Variants in ROBO2 observed in about 807,000 individuals in gnomAD.
ROBO2 encodes roundabout homolog 2.
A neutral mutation model predicts 160.8 loss-of-function variants in ROBO2; 53 were observed. The ratio of observed to expected loss-of-function variants is 0.33; its 90% CI spans 0.26 to 0.41. The LOEUF is 0.41. Ranked by LOEUF, ROBO2 falls within the 10% of genes least tolerant of loss-of-function variation. ROBO2 has a pLI of 1.00. For missense variants in ROBO2, 1,577 were observed against 1,722.4 expected, an observed-to-expected ratio of 0.92 and a Z score of 1.49; for synonymous variants, 664 against 611.7, an observed-to-expected ratio of 1.09 and a Z score of -1.26.
At chr3:76,119,989 ATTCTTTCTTTCTGTC>A (rs2070679366) in intron 2 of ROBO2, among the ~76,000 whole-genome samples, 1 of 88,238 alleles carries the variant, frequency 1.1e-5, no homozygotes, top group African/African-American at 4.4e-5. Flanking sequence ...TCTTTCTTTC[ATTCTTTCTTTCTGTC>A]TTCTTTCTTT....
chr3:77,254,746 A>G (rs2153315051), intron 2 of ROBO2, among the ~76,000 whole-genome samples: 1 of 152,258 alleles, frequency 6.6e-6, no homozygotes, highest in Non-Finnish European at 1.5e-5. Context: ...CACTTATTTC[A>G]CTTACTTTTA....
At chr3:77,571,836 T>G (rs1212714271) in intron 13 of ROBO2, among the ~76,000 whole-genome samples, 1 of 151,872 alleles carries the variant, frequency 6.6e-6, no homozygotes, top group Admixed American at 6.6e-5. Flanking sequence ...AAATCTCACC[T>G]ATTTTTTTTA....
At chr3:76,089,749 A>G (rs1437256847) in intron 2 of ROBO2, among the ~76,000 whole-genome samples, 1 of 152,208 alleles carries the variant, frequency 6.6e-6, no homozygotes, top group Non-Finnish European at 1.5e-5. Flanking sequence ...AGAAACTCAA[A>G]GCTTCCTCAT....
At chr3:76,208,895 G>A (rs1483058643) in intron 2 of ROBO2, among the ~76,000 whole-genome samples, 1 of 152,092 alleles carries the variant, frequency 6.6e-6, no homozygotes, top group African/African-American at 2.4e-5. Flanking sequence ...CAAGCTGAAC[G>A]TGTCTGGCTC....
At chr3:76,830,173 C>G (rs73123370) in intron 2 of ROBO2, among the ~76,000 whole-genome samples, 145 of 152,114 alleles carry the variant, frequency 9.5e-4, no homozygotes, top group African/African-American at 3.0e-3. Flanking sequence ...ACTGTCCCCC[C>G]CTCCATGCAT....
chr3:76,106,560 A>G (rs991342235), intron 2 of ROBO2, among the ~76,000 whole-genome samples: 5 of 151,984 alleles, frequency 3.3e-5, no homozygotes, highest in African/African-American at 1.2e-4. Flanking sequence ...CGAGCCATGG[A>G]TTATGTACCT....
chr3:76,862,152 T>C (rs966496590), intron 2 of ROBO2, among the ~76,000 whole-genome samples: 2 of 152,034 alleles, frequency 1.3e-5, no homozygotes, highest in Non-Finnish European at 2.9e-5. Context: ...CCCTCTCTCT[T>C]CAAGGTAGAA....
chr3:76,333,349 A>G (rs2073634074), intron 2 of ROBO2, among the ~76,000 whole-genome samples: 1 of 152,200 alleles, frequency 6.6e-6, no homozygotes, highest in Non-Finnish European at 1.5e-5. Context: ...CTGCAAGTGT[A>G]CGCAGCGTAA....
intron 2 of ROBO2, among the ~76,000 whole-genome samples, chr3:76,569,338 T>C (rs773858450): frequency 4.1e-4 from 63 of 152,094 alleles, no homozygotes; most frequent in Non-Finnish European, 1.2e-4. Flanking sequence ...AAAACAAATG[T>C]TCCTGTTCAG....
At chr3:76,053,455 G>A in intron 2 of ROBO2, among the ~76,000 whole-genome samples, 1 of 151,912 alleles carries the variant, frequency 6.6e-6, no homozygotes, top group East Asian at 1.9e-4. Flanking sequence ...TTTAAAGGTA[G>A]TTCATTAATA....
intron 1 of ROBO2, among the ~76,000 whole-genome samples, chr3:75,911,029 CAA>C (rs1053220844): frequency 1.3e-5 from 2 of 149,530 alleles, no homozygotes; most frequent in Non-Finnish European, 2.9e-5. Flanking sequence ...TGGGAGTAAA[CAA>C]TGCAATTTTT....
chr3:76,934,797 A>C (rs1256246535), intron 2 of ROBO2, among the ~76,000 whole-genome samples: 1 of 152,170 alleles, frequency 6.6e-6, no homozygotes, highest in Non-Finnish European at 1.5e-5. Flanking sequence ...AGGATTACTA[A>C]GTATTACTTC....
At chr3:77,229,124 G>A (rs1034663966) in intron 2 of ROBO2, among the ~76,000 whole-genome samples, 4 of 152,078 alleles carry the variant, frequency 2.6e-5, no homozygotes, top group Non-Finnish European at 5.9e-5. Context: ...TCTCACAAAT[G>A]ACAGCTACTG....
chr3:76,476,597 C>T (rs957736793), intron 2 of ROBO2, among the ~76,000 whole-genome samples: 28 of 152,138 alleles, frequency 1.8e-4, no homozygotes, highest in African/African-American at 5.3e-4. Context: ...TCTGTTCCTG[C>T]GCTGTACCAC....
At chr3:76,122,618 C>G (rs184989697) in intron 2 of ROBO2, among the ~76,000 whole-genome samples, 1 of 152,134 alleles carries the variant, frequency 6.6e-6, no homozygotes, top group African/African-American at 2.4e-5. Context: ...AAGATACAGA[C>G]TTTGGTAATT....
chr3:77,617,547 G>A, exon 22 of ROBO2: 2 of 1,614,140 alleles, frequency 1.2e-6, no homozygotes, highest in South Asian at 1.1e-5. Flanking sequence ...ACCATTGCCA[G>A]TACAAACTTA....
At chr3:77,218,347 C>T (rs1428412993) in intron 2 of ROBO2, among the ~76,000 whole-genome samples, 2 of 151,628 alleles carry the variant, frequency 1.3e-5, no homozygotes, top group Non-Finnish European at 2.9e-5. Context: ...TTAATTCCTA[C>T]CATCCTTCAT....
At chr3:76,397,469 CA>C (rs1181448456) in intron 2 of ROBO2, among the ~76,000 whole-genome samples, 22 of 152,048 alleles carry the variant, frequency 1.4e-4, no homozygotes, top group Admixed American at 3.3e-4. Context: ...TCAAAATTGA[CA>C]AATGGGATCT....
At chr3:76,924,006 T>A (rs1425971738) in intron 2 of ROBO2, among the ~76,000 whole-genome samples, 1 of 152,268 alleles carries the variant, frequency 6.6e-6, no homozygotes, top group South Asian at 2.1e-4. Context: ...GTGAAATCAT[T>A]AATTGTCATC....
Sources: allele counts gnomAD v4.1 joint callset (sites outside exome capture counted in the v4.1 genomes callset), GRCh38; gene constraint gnomAD v4.1.1; transcripts MANE v1.5; gene names NCBI Gene and HGNC (gene_info 2026-07-23, HGNC 2026-07-21).